The following ANKS1B variants were observed in gnomAD, a reference collection of about 807,000 sequenced individuals.
ANKS1B encodes the protein ankyrin repeat and sterile alpha motif domain containing 1B.
Under a neutral mutation model 148.3 loss-of-function variants are expected in ANKS1B, and 36 were observed. The observed-to-expected ratio is 0.24, with a 90% CI of 0.19 to 0.32. The LOEUF (loss-of-function observed/expected upper bound fraction) is 0.32. ANKS1B is among the 10% of genes least tolerant of loss of function. The pLI, the probability that ANKS1B is intolerant of heterozygous loss-of-function variation, is 1.00. For synonymous variants in ANKS1B, 542 were observed against 560.8 expected, an observed-to-expected ratio of 0.97 and a Z score of 0.47; for missense variants, 1,157 against 1,542.6, an observed-to-expected ratio of 0.75 and a Z score of 4.19.
At chr12:98,889,359 T>A (rs7975533) in intron 17 of ANKS1B, among the ~76,000 whole-genome samples, 15,852 of 152,140 alleles carry the variant, frequency 0.1, 952 homozygotes, top group Middle Eastern at 0.17. Flanking sequence ...TATTTTTTTT[T>A]TTTTTGAGAC....
At chr12:99,553,083 T>C (rs2097238629) in intron 9 of ANKS1B, among the ~76,000 whole-genome samples, 1 of 152,192 alleles carries the variant, frequency 6.6e-6, no homozygotes, top group African/African-American at 2.4e-5. Context: ...TTATAAAAAT[T>C]AGGCTCTATA....
At chr12:99,758,187 G>A (rs2061746810) in intron 8 of ANKS1B, among the ~76,000 whole-genome samples, 1 of 151,896 alleles carries the variant, frequency 6.6e-6, no homozygotes, top group Admixed American at 6.6e-5. Flanking sequence ...TAATATAGGT[G>A]TGGGTTAGAA....
intron 17 of ANKS1B, among the ~76,000 whole-genome samples, chr12:98,984,987 G>T (rs2099922419): frequency 6.6e-6 from 1 of 152,104 alleles, no homozygotes; most frequent in Non-Finnish European, 1.5e-5. Flanking sequence ...CTTCAACCTG[G>T]GTGACAAAGT....
intron 1 of ANKS1B, 34 bp downstream of exon 1, chr12:99,984,070 G>A (rs777562685): frequency 6.3e-7 from 1 of 1,582,234 alleles, no homozygotes. Flanking sequence ...GCATAATGAG[G>A]TGTGCCAACC....
chr12:98,959,820 A>G (rs1033152820), intron 17 of ANKS1B, among the ~76,000 whole-genome samples: 1 of 152,138 alleles, frequency 6.6e-6, no homozygotes, highest in Non-Finnish European at 1.5e-5. Context: ...TTGTGCCTTG[A>G]GTGAACACTG....
chr12:98,737,778 A>G lies in ANKS1B; in HGVS notation c.691-2144T>C, dbSNP rs1181949026. Among the ~76,000 whole-genome samples, 3 of 152,240 alleles carry G rather than the reference A, an allele frequency of 2.0e-5. No homozygotes were observed. The East Asian group carries it at 5.8e-4, about 29-fold the overall frequency. On this transcript the variant is annotated intron_variant, in intron 9 of 9. Transcript: ENST00000341752. ...GGGAAAGTAAAACTTTACTTGGACA[A>G]AAGAGGTTTGCTACCAAATTATATA...
At chr12:99,753,440 T>A (rs971605232) in intron 8 of ANKS1B, among the ~76,000 whole-genome samples, 1 of 152,096 alleles carries the variant, frequency 6.6e-6, no homozygotes, top group African/African-American at 2.4e-5. Flanking sequence ...ATTCTTGAAC[T>A]CCAAGAAGAG....
chr12:99,068,287 C>T (rs993091140), intron 16 of ANKS1B, among the ~76,000 whole-genome samples: 6 of 152,066 alleles, frequency 3.9e-5, no homozygotes, highest in Non-Finnish European at 7.4e-5. Context: ...TGTCATTGTG[C>T]GAACATCAGA....
At chr12:99,615,764 T>C (rs1031111952) in intron 9 of ANKS1B, among the ~76,000 whole-genome samples, 4 of 152,070 alleles carry the variant, frequency 2.6e-5, no homozygotes, top group African/African-American at 9.7e-5. Flanking sequence ...ACCACTCCTA[T>C]GCAACACAGT....
At chr12:99,303,856 A>G (rs1371972241) in intron 12 of ANKS1B, among the ~76,000 whole-genome samples, 1 of 152,142 alleles carries the variant, frequency 6.6e-6, no homozygotes, top group African/African-American at 2.4e-5. Context: ...CTTAGCTCCC[A>G]CATATAAGTG....
intron 1 of ANKS1B, among the ~76,000 whole-genome samples, chr12:99,891,917 C>T (rs1307804209): frequency 2.0e-5 from 3 of 152,114 alleles, no homozygotes; most frequent in Admixed American, 6.5e-5. Flanking sequence ...AAAAGATTGG[C>T]CATATGTTGA....
intron 9 of ANKS1B, among the ~76,000 whole-genome samples, chr12:99,557,386 A>C (rs1470262325): frequency 1.3e-5 from 2 of 151,566 alleles, no homozygotes; most frequent in African/African-American, 2.4e-5. Context: ...TTTTTGTTTG[A>C]ATTAGTTAAT....
At chr12:99,256,876 C>T (rs913004745) in intron 12 of ANKS1B, among the ~76,000 whole-genome samples, 5 of 152,018 alleles carry the variant, frequency 3.3e-5, no homozygotes, top group Middle Eastern at 3.2e-3. Context: ...ACCTGTGAAT[C>T]CATATTTTTA....
At chr12:98,892,948 C>T (rs1219680301) in intron 17 of ANKS1B, among the ~76,000 whole-genome samples, 1 of 152,176 alleles carries the variant, frequency 6.6e-6, no homozygotes, top group Non-Finnish European at 1.5e-5. Flanking sequence ...CAAAGTAACT[C>T]CAATGCAGTA....
chr12:99,159,778 G>C (rs578100176), intron 14 of ANKS1B, among the ~76,000 whole-genome samples: 1 of 152,280 alleles, frequency 6.6e-6, no homozygotes, highest in East Asian at 1.9e-4. Context: ...ATGGTAGTTT[G>C]TTTTAAGTTC....
At chr12:99,170,511 T>C (rs894884255) in intron 14 of ANKS1B, among the ~76,000 whole-genome samples, 3 of 152,214 alleles carry the variant, frequency 2.0e-5, no homozygotes, top group African/African-American at 7.2e-5. Context: ...AAAAGCACTG[T>C]AACTTAGAGC....
chr12:99,139,340 A>T (rs201996696), intron 15 of ANKS1B, among the ~76,000 whole-genome samples: 2 of 40,862 alleles, frequency 4.9e-5, no homozygotes, highest in Non-Finnish European at 9.2e-5. Context: ...CTCTTTCCCT[A>T]CCTTCCCTCC....
chr12:99,769,859 T>C (rs2063026291), intron 8 of ANKS1B, among the ~76,000 whole-genome samples: 1 of 152,222 alleles, frequency 6.6e-6, no homozygotes. Context: ...TATGCACTAA[T>C]TCTCATCTCT....
chr12:99,602,918 T>A (rs938880119), intron 9 of ANKS1B, among the ~76,000 whole-genome samples: 3 of 152,110 alleles, frequency 2.0e-5, no homozygotes, highest in Non-Finnish European at 4.4e-5. Context: ...ATCTGACACA[T>A]AATTTTTCTC....
Sources: gnomAD v4.1 joint callset for allele counts (sites outside exome capture counted in the v4.1 genomes callset) on GRCh38, gnomAD v4.1.1 for gene constraint, MANE v1.5 for transcripts, NCBI Gene and HGNC (gene_info 2026-07-23, HGNC 2026-07-21) for gene names.